The following ARHGAP31 variants were observed in gnomAD, a reference collection of about 807,000 sequenced individuals.
The protein encoded by ARHGAP31 is Rho GTPase activating protein 31, also known as rho GTPase-activating protein 31.
Under a neutral mutation model 113.9 loss-of-function variants are expected in ARHGAP31, and 34 were observed. That is an observed-to-expected ratio of 0.30 (90% CI 0.23 to 0.40). The LOEUF (loss-of-function observed/expected upper bound fraction) is 0.40, where lower values mean the gene tolerates loss of function less well. Among genes scored for constraint, ARHGAP31 ranks in the 10% least tolerant of loss-of-function variants. ARHGAP31 has a pLI of 1.00. For missense variants in ARHGAP31, 1,548 were observed against 1,767.1 expected, an observed-to-expected ratio of 0.88 and a Z score of 2.22; for synonymous variants, 650 against 684.8, an observed-to-expected ratio of 0.95 and a Z score of 0.79.
At chr3:119,375,480 C>T (rs542976576) in intron 3 of ARHGAP31, among the ~76,000 whole-genome samples, 14 of 152,152 alleles carry the variant, frequency 9.2e-5, no homozygotes, top group Admixed American at 2.0e-4. Context: ...CCCAGATAAT[C>T]GAGGATAATG....
chr3:119,387,736 G>A (rs2080465465), intron 6 of ARHGAP31, among the ~76,000 whole-genome samples: 1 of 152,190 alleles, frequency 6.6e-6, no homozygotes, highest in African/African-American at 2.4e-5. Flanking sequence ...TGCTGTTCTA[G>A]ACACTGGAGA....
At chr3:119,308,677 A>C (rs889419014) in intron 1 of ARHGAP31, among the ~76,000 whole-genome samples, 3 of 152,192 alleles carry the variant, frequency 2.0e-5, no homozygotes, top group Non-Finnish European at 2.9e-5. Flanking sequence ...CTTTGTATAG[A>C]AGGTAACATA....
At chr3:119,317,340 G>A (rs1043539589) in intron 1 of ARHGAP31, among the ~76,000 whole-genome samples, 4 of 151,930 alleles carry the variant, frequency 2.6e-5, no homozygotes, top group Admixed American at 6.6e-5. Context: ...CACCATGTCC[G>A]GCTAATTTTT....
Position 119,415,582 on chromosome 3 carries a change from C to G in ARHGAP31, c.3653C>G (p.Ser1218Cys). 6.2e-7 allele frequency: 1 copy of G among 1,614,170 alleles called. No individual in the cohort carries two copies. Among genetic ancestry groups the G allele is most frequent in the Non-Finnish European group, 8.5e-7 (1 of 1,180,044 alleles). The change falls in exon 12 of 12, where the codon TCT becomes TGT. Residue 1218 changes from serine (S) to cysteine (C), a missense_variant. Coordinates refer to ENST00000264245, the MANE Select transcript of ARHGAP31 (RefSeq NM_020754.4). ...ACCCAGATCCCACAGCCCCTGCCCT[C>G]TCAGAGCTCAGGGGAGAATGGGGTT... ...QYTQIPQPLP[S>C]QSSGENGVQP...
chr3:119,320,852 A>G (rs925242674), intron 1 of ARHGAP31, among the ~76,000 whole-genome samples: 2 of 151,800 alleles, frequency 1.3e-5, no homozygotes, highest in African/African-American at 4.8e-5. Flanking sequence ...TGTGGGAGGG[A>G]CCTGGTGGGA....
intron 3 of ARHGAP31, among the ~76,000 whole-genome samples, chr3:119,376,644 A>G (rs961413956): frequency 7.2e-5 from 11 of 151,864 alleles, no homozygotes; most frequent in Non-Finnish European, 1.2e-4. Context: ...ACCTCCTAGA[A>G]ACCTCTGATT....
chr3:119,378,419 G>C (rs1430789156), intron 3 of ARHGAP31, among the ~76,000 whole-genome samples: 1 of 152,120 alleles, frequency 6.6e-6, no homozygotes, highest in Non-Finnish European at 1.5e-5. Context: ...CAGGCCTCCA[G>C]GGATGAGCCT....
intron 1 of ARHGAP31, among the ~76,000 whole-genome samples, chr3:119,337,283 G>A (rs1344634672): frequency 6.6e-6 from 1 of 152,166 alleles, no homozygotes; most frequent in Admixed American, 6.5e-5. Flanking sequence ...CGTCAGGAGT[G>A]AAGCTGCAGA....
chr3:119,365,775 T>C (rs538234869), intron 2 of ARHGAP31, among the ~76,000 whole-genome samples: 3 of 152,362 alleles, frequency 2.0e-5, no homozygotes, highest in South Asian at 4.1e-4. Flanking sequence ...TCAGTTAGAC[T>C]AGGTTCCTGT....
chr3:119,355,990 T>TC (rs2080154107), intron 1 of ARHGAP31, among the ~76,000 whole-genome samples: 7 of 152,116 alleles, frequency 4.6e-5, no homozygotes, highest in Admixed American at 4.6e-4. Flanking sequence ...GTCCTCATTG[T>TC]CCCCAAGGAG....
At chr3:119,391,079 G>T (rs1312059810) in intron 7 of ARHGAP31, 96 bp downstream of exon 7, 3 of 1,366,728 alleles carry the variant, frequency 2.2e-6, no homozygotes, top group Non-Finnish European at 3.1e-6. Context: ...TGGCAGTGTG[G>T]GTTGGAGGTA....
At chr3:119,353,787 C>CAAA (rs5852199) in intron 1 of ARHGAP31, among the ~76,000 whole-genome samples, 26 of 88,220 alleles carry the variant, frequency 2.9e-4, no homozygotes, top group South Asian at 8.0e-4. Flanking sequence ...GACTCCATCT[C>CAAA]AAAAAAAAAA....
Position 119,409,784 on chromosome 3 carries a change from G to T in ARHGAP31, c.1926+8G>T. The T allele has an allele frequency of 1.3e-6, 2 of 1,593,788 alleles. No homozygotes were observed. The highest frequency in any genetic ancestry group is 1.7e-6 in the Non-Finnish European group (2 of 1,170,616). ...GTGCTTCTCCATGAGATGGTAAAGT[G>T]CATTCTCCACCTGCTCCAGCCAGGT... On this transcript the variant is annotated splice_region_variant and intron_variant, in intron 11 of 11. Transcript: ENST00000264245.
chr3:119,370,074 C>T (rs2080285030), intron 3 of ARHGAP31, among the ~76,000 whole-genome samples: 1 of 152,098 alleles, frequency 6.6e-6, no homozygotes, highest in Admixed American at 6.5e-5. Context: ...GGTTATGGGG[C>T]CCTTCTCCTT....
intron 1 of ARHGAP31, among the ~76,000 whole-genome samples, chr3:119,320,214 T>G (rs2079770604): frequency 6.6e-6 from 1 of 152,220 alleles, no homozygotes; most frequent in Non-Finnish European, 1.5e-5. Context: ...TGAACAGTTC[T>G]CAAACTAGCG....
rs757203541 is a variant in ARHGAP31 at position 119,326,053 on chromosome 3, G to A, written c.100+31049G>A. Among the ~76,000 whole-genome samples the A allele has an allele frequency of 5.9e-5, 9 of 152,208 alleles. No individual in the cohort carries two copies. In the East Asian group the frequency reaches 1.2e-3, roughly 20 times the overall value. On this transcript the variant is annotated intron_variant, in intron 1 of 11. Transcript: ENST00000264245. ...TAAAAATGCAAAACATTAGCCGGGCGTGGTGGTGGGCGCCTGTAATCCCAG... is the reference window on the plus strand; with the variant it reads ...TAAAAATGCAAAACATTAGCCGGGCATGGTGGTGGGCGCCTGTAATCCCAG...
chr3:119,393,546 CTG>C lies in ARHGAP31; in HGVS notation c.962_963del (p.Leu321GlnfsTer2). On this transcript the variant is annotated frameshift_variant, in exon 8 of 12. Coordinates refer to ENST00000264245, the MANE Select transcript of ARHGAP31 (RefSeq NM_020754.4). LOFTEE classifies it high-confidence loss of function. ...GRSGSDSKSK[L>X]SRNGSVFVRG... ...TTCTGGATCAGACTCCAAATCAAAA[CTG>C]AGTAGAAATGGGAGTGTATTTGTGA... The C allele has an allele frequency of 6.2e-7, 1 of 1,614,076 alleles. No individual in the cohort carries two copies. Among genetic ancestry groups the C allele is most frequent in the Non-Finnish European group, 8.5e-7 (1 of 1,179,964 alleles).
intron 1 of ARHGAP31, among the ~76,000 whole-genome samples, chr3:119,297,055 G>C (rs1446780628): frequency 1.3e-5 from 2 of 152,098 alleles, no homozygotes; most frequent in Non-Finnish European, 2.9e-5. Flanking sequence ...AGCTTTGAAA[G>C]GAAACGCAAC....
At chr3:119,412,015 A>C (rs1391430035) in intron 11 of ARHGAP31, among the ~76,000 whole-genome samples, 1 of 152,228 alleles carries the variant, frequency 6.6e-6, no homozygotes, top group Admixed American at 6.5e-5. Context: ...AATTACTTTC[A>C]CAAAGGCCTG....
Sources: gnomAD v4.1 joint callset for allele counts (sites outside exome capture counted in the v4.1 genomes callset) on GRCh38, gnomAD v4.1.1 for gene constraint, MANE v1.5 for transcripts, NCBI Gene and HGNC (gene_info 2026-07-23, HGNC 2026-07-21) for gene names.